NLGN1: variants seen among roughly 807,000 people sequenced by gnomAD.
NLGN1 encodes the protein neuroligin 1.
In NLGN1, 12 loss-of-function variants were observed where a neutral mutation model predicts 65.5. The ratio of observed to expected loss-of-function variants is 0.18; its 90% CI spans 0.12 to 0.30. The LOEUF is 0.30. Ranked by LOEUF, NLGN1 falls within the 10% of genes least tolerant of loss-of-function variation. The pLI, the probability that NLGN1 is intolerant of heterozygous loss-of-function variation, is 1.00. For synonymous variants in NLGN1, 350 were observed against 359.5 expected, an observed-to-expected ratio of 0.97 and a Z score of 0.30; for missense variants, 750 against 1,007.1, an observed-to-expected ratio of 0.74 and a Z score of 3.46.
intron 4 of NLGN1, among the ~76,000 whole-genome samples, chr3:173,864,359 C>A (rs1043494730): frequency 2.6e-5 from 4 of 152,076 alleles, no homozygotes; most frequent in Admixed American, 6.6e-5. Context: ...ATGTGATCTT[C>A]CATTGTCTTT....
At chr3:173,585,490 T>C (rs997866505) in intron 2 of NLGN1, among the ~76,000 whole-genome samples, 4 of 151,580 alleles carry the variant, frequency 2.6e-5, no homozygotes, top group African/African-American at 9.7e-5. Context: ...CCCACCCCTC[T>C]CTTCCTACCC....
At chr3:173,665,168 G>C (rs1344594274) in intron 3 of NLGN1, among the ~76,000 whole-genome samples, 1 of 152,086 alleles carries the variant, frequency 6.6e-6, no homozygotes, top group Non-Finnish European at 1.5e-5. Context: ...CCCATGTGTT[G>C]GGGAAGGGAC....
chr3:173,737,736 A>G (rs1034534115), intron 3 of NLGN1, among the ~76,000 whole-genome samples: 3 of 152,056 alleles, frequency 2.0e-5, no homozygotes, highest in Admixed American at 2.0e-4. Flanking sequence ...AAGAATTTGC[A>G]TGGACATGTT....
chr3:173,560,069 T>TA (rs903575440), intron 2 of NLGN1, among the ~76,000 whole-genome samples: 1 of 150,854 alleles, frequency 6.6e-6, no homozygotes, highest in Non-Finnish European at 1.5e-5. Flanking sequence ...TCAGCCTCCC[T>TA]AATAGCTGGG....
chr3:173,986,375 A>C (rs910405537), intron 4 of NLGN1, among the ~76,000 whole-genome samples: 3 of 152,048 alleles, frequency 2.0e-5, no homozygotes, highest in Non-Finnish European at 4.4e-5. Context: ...GCTGAGGGGA[A>C]GGAGAATCGC....
intron 4 of NLGN1, among the ~76,000 whole-genome samples, chr3:173,832,986 A>G (rs1011348502): frequency 1.3e-5 from 2 of 152,208 alleles, no homozygotes; most frequent in Non-Finnish European, 2.9e-5. Context: ...AGTATTGCAT[A>G]TGTGGATGAA....
chr3:173,735,729 G>A (rs1000846614), intron 3 of NLGN1, among the ~76,000 whole-genome samples: 2 of 151,990 alleles, frequency 1.3e-5, no homozygotes, highest in Non-Finnish European at 2.9e-5. Flanking sequence ...TTTCTGCCTA[G>A]GGTCTTGAAA....
At chr3:173,518,508 TTA>T (rs970562993) in intron 2 of NLGN1, among the ~76,000 whole-genome samples, 5 of 150,332 alleles carry the variant, frequency 3.3e-5, no homozygotes, top group African/African-American at 4.9e-5. Context: ...TATGCATGTA[TTA>T]TATATATATG....
intron 2 of NLGN1, among the ~76,000 whole-genome samples, chr3:173,452,442 T>TC (rs933385900): frequency 4.9e-4 from 75 of 152,190 alleles, no homozygotes; most frequent in Admixed American, 6.5e-5. Context: ...CGCCTTGGCC[T>TC]CCCAAAGTGC....
intron 2 of NLGN1, among the ~76,000 whole-genome samples, chr3:173,479,865 AT>A (rs1180001615): frequency 1.5e-4 from 23 of 152,250 alleles, no homozygotes; most frequent in African/African-American, 5.5e-4. Flanking sequence ...AACCATCTTT[AT>A]TTTTATTTTT....
chr3:173,784,261 A>G (rs1055881680), intron 3 of NLGN1, among the ~76,000 whole-genome samples: 1 of 152,206 alleles, frequency 6.6e-6, no homozygotes, highest in Non-Finnish European at 1.5e-5. Context: ...GAATATGTTG[A>G]AAAGTAAGGA....
intron 4 of NLGN1, among the ~76,000 whole-genome samples, chr3:173,959,267 C>T (rs1275997428): frequency 6.6e-6 from 1 of 152,242 alleles, no homozygotes; most frequent in Non-Finnish European, 1.5e-5. Flanking sequence ...GCCCCAACTG[C>T]TCCTTCCCAC....
At chr3:174,139,186 C>A (rs1721831244) in intron 4 of NLGN1, among the ~76,000 whole-genome samples, 1 of 151,774 alleles carries the variant, frequency 6.6e-6, no homozygotes, top group South Asian at 2.1e-4. Flanking sequence ...TGGGTTTGGA[C>A]AAATATATAT....
intron 2 of NLGN1, among the ~76,000 whole-genome samples, chr3:173,539,174 C>T (rs1737986660): frequency 1.3e-5 from 2 of 151,506 alleles, no homozygotes; most frequent in East Asian, 1.9e-4. Flanking sequence ...GTGGTGCCTG[C>T]TTATTGTGCA....
intron 3 of NLGN1, among the ~76,000 whole-genome samples, chr3:173,708,943 T>C (rs1317548555): frequency 1.3e-5 from 2 of 152,186 alleles, no homozygotes; most frequent in Non-Finnish European, 2.9e-5. Context: ...AAAAGTGAGG[T>C]TCTCAAAACG....
At chr3:173,621,292 A>G (rs1447158897) in intron 3 of NLGN1, among the ~76,000 whole-genome samples, 1 of 152,158 alleles carries the variant, frequency 6.6e-6, no homozygotes, top group East Asian at 1.9e-4. Context: ...ATTTGGAATT[A>G]ACCTTGAGTG....
At chr3:174,204,161 TTTTTG>T (rs1442552941) in intron 4 of NLGN1, among the ~76,000 whole-genome samples, 2 of 152,184 alleles carry the variant, frequency 1.3e-5, no homozygotes, top group African/African-American at 4.8e-5. Flanking sequence ...GCAGTAGGGC[TTTTTG>T]TTTTGTTTTG....
chr3:173,506,227 C>A (rs568638146), intron 2 of NLGN1, among the ~76,000 whole-genome samples: 1 of 151,780 alleles, frequency 6.6e-6, no homozygotes, highest in East Asian at 1.9e-4. Flanking sequence ...GCTTCTAGTT[C>A]GACATACTAA....
At chr3:174,098,440 G>A (rs1711596569) in intron 4 of NLGN1, among the ~76,000 whole-genome samples, 1 of 152,144 alleles carries the variant, frequency 6.6e-6, no homozygotes, top group Non-Finnish European at 1.5e-5. Flanking sequence ...ATTGGTGAGG[G>A]TAAAAGGAGG....
Sources: allele counts gnomAD v4.1 joint callset (sites outside exome capture counted in the v4.1 genomes callset), GRCh38; gene constraint gnomAD v4.1.1; transcripts MANE v1.5; gene names NCBI Gene and HGNC (gene_info 2026-07-23, HGNC 2026-07-21).